The following PDE1C variants were observed in gnomAD, a reference collection of about 807,000 sequenced individuals.
PDE1C encodes the protein phosphodiesterase 1C, also known as dual specificity calcium/calmodulin-dependent 3',5'-cyclic nucleotide phosphodiesterase 1C.
PDE1C carries 62 observed loss-of-function variants against 93.1 expected under a neutral mutation model. That is an observed-to-expected ratio of 0.67 (90% CI 0.54 to 0.82). The LOEUF is 0.82. Ranked by LOEUF, PDE1C falls within the 40% of genes least tolerant of loss-of-function variation. The pLI is 0.00. For missense variants in PDE1C, 742 were observed against 884.6 expected (o/e 0.84, Z 2.04); for synonymous variants, 325 against 310.1 (o/e 1.05, Z -0.50).
intron 3 of PDE1C, among the ~76,000 whole-genome samples, chr7:32,090,204 A>G (rs538416299): frequency 1.3e-5 from 2 of 152,140 alleles, no homozygotes; most frequent in African/African-American, 4.8e-5. Context: ...TAAAATAACA[A>G]CACTCCTACA....
chr7:31,690,087 G>A, the PDE1C span, among the ~76,000 whole-genome samples: 1 of 152,236 alleles, frequency 6.6e-6, no homozygotes, highest in African/African-American at 2.4e-5. Flanking sequence ...ATCGGCCAGA[G>A]ACAGGCTTTC....
chr7:32,203,192 T>C (rs992447075), intron 2 of PDE1C, among the ~76,000 whole-genome samples: 3 of 151,736 alleles, frequency 2.0e-5, no homozygotes, highest in African/African-American at 7.3e-5. Flanking sequence ...CCCCCACTCA[T>C]GGCATTTCTC....
chr7:31,837,395 T>A, intron 10 of PDE1C, 95 bp from the exon 11 acceptor site: 1 of 1,205,588 alleles, frequency 8.3e-7, no homozygotes. Context: ...ATCTCTTTTG[T>A]TCTTCCATCT....
chr7:32,186,087 G>GT (rs10561469), intron 2 of PDE1C, among the ~76,000 whole-genome samples: 1,394 of 128,264 alleles, frequency 0.011, 110 homozygotes, highest in African/African-American at 0.021. Flanking sequence ...TTGTTTTTTT[G>GT]TTTTTTTTTT....
intron 3 of PDE1C, among the ~76,000 whole-genome samples, chr7:32,139,196 CATG>C (rs1346834662): frequency 2.0e-5 from 3 of 151,754 alleles, no homozygotes; most frequent in African/African-American, 7.3e-5. Flanking sequence ...GGCACAATGG[CATG>C]ATCACGGCTC....
rs1427689234 is a variant in PDE1C at position 31,968,851 on chromosome 7, G to C, written c.128+82703C>G. 2.6e-5 allele frequency among the ~76,000 whole-genome samples: 4 copies of C among 152,086 alleles called. No homozygotes were observed. In the East Asian group the frequency reaches 7.7e-4, roughly 29 times the overall value. ...GCTTATCTACAACTATCTGATCTTT[G>C]ACAAACCTGACAAAAACAAGCAATG... On this transcript the variant is annotated intron_variant, in intron 2 of 17. Transcript: ENST00000396191.
intron 2 of PDE1C, among the ~76,000 whole-genome samples, chr7:32,030,546 GT>G: frequency 6.6e-6 from 1 of 152,010 alleles, no homozygotes; most frequent in Admixed American, 6.6e-5. Context: ...TGTTGATGGG[GT>G]TTCAGACACA....
At chr7:31,661,012 C>A in the PDE1C span, among the ~76,000 whole-genome samples, 1 of 151,942 alleles carries the variant, frequency 6.6e-6, no homozygotes, top group Admixed American at 6.6e-5. Flanking sequence ...GATGAAGTTC[C>A]TGGTTGCAAG....
At chr7:31,985,272 G>A (rs1054021026) in intron 2 of PDE1C, among the ~76,000 whole-genome samples, 1 of 151,956 alleles carries the variant, frequency 6.6e-6, no homozygotes, top group African/African-American at 2.4e-5. Flanking sequence ...CACTAAAGGG[G>A]TCTACATTTT....
At chr7:32,297,985 CTCTCTCTCTCT>C (rs1812699076) in intron 1 of PDE1C, among the ~76,000 whole-genome samples, 1 of 58,780 alleles carries the variant, frequency 1.7e-5, no homozygotes, top group Non-Finnish European at 3.6e-5. Context: ...CTCTCTCTCT[CTCTCTCTCTCT>C]CCTCTCTCTC....
At chr7:31,621,970 A>G in the PDE1C span, among the ~76,000 whole-genome samples, 4 of 147,150 alleles carry the variant, frequency 2.7e-5, no homozygotes, top group African/African-American at 1.0e-4. Context: ...CTCTGATAAA[A>G]CAGACTTTAA....
chr7:31,865,206 C>A, intron 6 of PDE1C, 124 bp from the exon 7 acceptor site: 2 of 823,428 alleles, frequency 2.4e-6, no homozygotes, highest in South Asian at 4.3e-5. Context: ...TTGGAACTTA[C>A]ACAGTTAATA....
intron 2 of PDE1C, among the ~76,000 whole-genome samples, chr7:31,885,636 A>G (rs1797771906): frequency 6.6e-6 from 1 of 152,216 alleles, no homozygotes; most frequent in Admixed American, 6.5e-5. Context: ...GAGGGGAACT[A>G]TGTGAGGAAA....
At chr7:32,135,894 T>C (rs1451670207) in intron 3 of PDE1C, among the ~76,000 whole-genome samples, 1 of 152,124 alleles carries the variant, frequency 6.6e-6, no homozygotes, top group Non-Finnish European at 1.5e-5. Context: ...GATGAATGAA[T>C]AAAGAAAGTG....
chr7:32,422,667 T>C (rs1377634579), intron 1 of PDE1C, among the ~76,000 whole-genome samples: 1 of 152,204 alleles, frequency 6.6e-6, no homozygotes, highest in Admixed American at 6.5e-5. Context: ...AGACATGATT[T>C]CATTCTTTTT....
the PDE1C span, among the ~76,000 whole-genome samples, chr7:31,680,003 C>T: frequency 6.6e-6 from 1 of 152,198 alleles, no homozygotes; most frequent in Non-Finnish European, 1.5e-5. Flanking sequence ...CCATGTGCTG[C>T]AGGTGGTAAC....
At chr7:31,875,831 A>ATATATG (rs761399274) in intron 5 of PDE1C, among the ~76,000 whole-genome samples, 4,048 of 89,878 alleles carry the variant, frequency 0.045, 405 homozygotes, top group Admixed American at 0.061. Context: ...ATATATATAT[A>ATATATG]TATAATGGAA....
At chr7:32,358,543 TG>T (rs1784074461) in intron 1 of PDE1C, among the ~76,000 whole-genome samples, 1 of 151,708 alleles carries the variant, frequency 6.6e-6, no homozygotes, top group South Asian at 2.1e-4. Flanking sequence ...AGCGGGCAAG[TG>T]GGGGTGTGGA....
chr7:31,920,021 T>C (rs1802404751), intron 2 of PDE1C, among the ~76,000 whole-genome samples: 2 of 152,170 alleles, frequency 1.3e-5, no homozygotes, highest in Admixed American at 6.5e-5. Flanking sequence ...CTCTCCACTA[T>C]TCCTCTTTCC....
Sources: gnomAD v4.1 joint callset for allele counts (sites outside exome capture counted in the v4.1 genomes callset) on GRCh38, gnomAD v4.1.1 for gene constraint, MANE v1.5 for transcripts, NCBI Gene and HGNC (gene_info 2026-07-23, HGNC 2026-07-21) for gene names.